Variants in INSL6 observed in about 807,000 individuals in gnomAD.
The protein encoded by INSL6 is insulin-like peptide INSL6.
Under a neutral mutation model 9.4 loss-of-function variants are expected in INSL6, and 16 were observed. The observed-to-expected ratio is 1.70, with a 90% CI of 1.15 to 2.59. The LOEUF (loss-of-function observed/expected upper bound fraction) is 2.59, where lower values mean the gene tolerates loss of function less well. Ranked by LOEUF, INSL6 falls within the 30% of genes most tolerant of loss-of-function variation. The pLI, the probability that INSL6 is intolerant of heterozygous loss-of-function variation, is 0.00. For missense variants in INSL6, 391 were observed against 257.3 expected, an observed-to-expected ratio of 1.52 and a Z score of -3.56; for synonymous variants, 154 against 96.9, an observed-to-expected ratio of 1.59 and a Z score of -3.46.
At chr9:5,141,569 T>C (rs973443983) in intron 2 of INSL6, among the ~76,000 whole-genome samples, 1 of 151,896 alleles carries the variant, frequency 6.6e-6, no homozygotes, top group Admixed American at 6.6e-5. Context: ...ATTTAATGGG[T>C]TTTTTCTTTT....
chr9:5,062,909 T>C, the INSL6 span, among the ~76,000 whole-genome samples: 1 of 152,168 alleles, frequency 6.6e-6, no homozygotes, highest in South Asian at 2.1e-4. Flanking sequence ...TAGTTTTCTT[T>C]TTTTATTTTT....
At position 5,164,279 on chromosome 9, in the gene INSL6, A is replaced by G. The variant is rs1824996615; in HGVS notation, c.290-14T>C. The G allele has an allele frequency of 2.0e-6, 3 of 1,516,790 alleles. No homozygotes were observed. In the South Asian group the frequency reaches 3.5e-5, roughly 18 times the overall value. 94.0% of individuals were successfully genotyped at this position (1,516,790 alleles called of 1,614,324 possible). ...AAGAAGTAGACACTGTTGAGAGAGA[A>G]GAAAATAAATGCTCCTTTATTAAAA... is the stretch of plus-strand genomic sequence containing the variant. On this transcript the variant is annotated splice_polypyrimidine_tract_variant and intron_variant, in intron 1 of 1. Transcript: ENST00000381641.
chr9:5,008,274 ATAAT>A, the INSL6 span, among the ~76,000 whole-genome samples: 1 of 152,206 alleles, frequency 6.6e-6, no homozygotes, highest in Non-Finnish European at 1.5e-5. Context: ...GATTTCATTA[ATAAT>A]TTGTTGAGAA....
chr9:4,997,666 C>T, the INSL6 span, among the ~76,000 whole-genome samples: 6 of 152,218 alleles, frequency 3.9e-5, no homozygotes, highest in South Asian at 1.0e-3. Context: ...CTGTACCCCT[C>T]AGCCTCATTT....
the INSL6 span, chr9:5,072,745 G>C: frequency 1.6e-6 from 1 of 642,040 alleles, no homozygotes; most frequent in Non-Finnish European, 2.3e-6. Flanking sequence ...ATGTGTCAAG[G>C]ACTTTTCTGA....
chr9:5,182,444 G>C (rs1825478086), intron 1 of INSL6, among the ~76,000 whole-genome samples: 2 of 152,032 alleles, frequency 1.3e-5, no homozygotes, highest in Non-Finnish European at 1.5e-5. Flanking sequence ...ATCACCTTCT[G>C]TAAATTATAA....
At chr9:5,012,950 T>C in the INSL6 span, among the ~76,000 whole-genome samples, 14 of 151,940 alleles carry the variant, frequency 9.2e-5, no homozygotes, top group African/African-American at 3.4e-4. Context: ...AGGAGAGAAA[T>C]AATAGCTGTT....
At chr9:5,037,109 C>T in the INSL6 span, among the ~76,000 whole-genome samples, 1 of 152,172 alleles carries the variant, frequency 6.6e-6, no homozygotes, top group African/African-American at 2.4e-5. Context: ...TGAAAAAATG[C>T]TCATCACCAC....
chr9:5,111,245 T>C, the INSL6 span: 1 of 542,280 alleles, frequency 1.8e-6, no homozygotes, highest in Non-Finnish European at 3.5e-6. Flanking sequence ...CCTCCTTTGG[T>C]AGAGACGCAG....
chr9:5,014,300 A>G, the INSL6 span, among the ~76,000 whole-genome samples: 1 of 151,420 alleles, frequency 6.6e-6, no homozygotes, highest in East Asian at 1.9e-4. Context: ...CACTGTACCC[A>G]GCCTCTTATT....
intron 2 of INSL6, among the ~76,000 whole-genome samples, chr9:5,157,104 A>C (rs1824830867): frequency 6.6e-6 from 1 of 152,192 alleles, no homozygotes; most frequent in Admixed American, 6.5e-5. Context: ...AATATTGCTG[A>C]AATTAAAGAA....
the INSL6 span, among the ~76,000 whole-genome samples, chr9:5,116,229 A>C: frequency 6.6e-6 from 1 of 152,206 alleles, no homozygotes; most frequent in Non-Finnish European, 1.5e-5. Flanking sequence ...CATGACTAGT[A>C]AATCACTGGA....
the INSL6 span, among the ~76,000 whole-genome samples, chr9:5,016,307 T>A: frequency 3.3e-5 from 5 of 152,116 alleles, no homozygotes; most frequent in Admixed American, 3.3e-4. Flanking sequence ...CCTGCTGTTA[T>A]AAGACCTGGT....
the INSL6 span, among the ~76,000 whole-genome samples, chr9:5,033,366 T>G: frequency 6.6e-6 from 1 of 152,138 alleles, no homozygotes. Context: ...CAGGCAAACA[T>G]TCAAATTCAG....
chr9:5,080,485 G>T, the INSL6 span: 3 of 1,542,650 alleles, frequency 1.9e-6, no homozygotes, highest in Admixed American at 2.0e-5. Context: ...AAGAAGGTTG[G>T]TGTGGCATTA....
the INSL6 span, among the ~76,000 whole-genome samples, chr9:4,998,016 A>C: frequency 6.6e-6 from 1 of 152,210 alleles, no homozygotes; most frequent in Admixed American, 6.5e-5. Flanking sequence ...CAGTATTTTA[A>C]AAATCATTAT....
chr9:5,088,409 CAAT>C, the INSL6 span, among the ~76,000 whole-genome samples: 4 of 152,074 alleles, frequency 2.6e-5, no homozygotes, highest in South Asian at 6.2e-4. Context: ...TGTAAGAATG[CAAT>C]AATATCCAAA....
At chr9:5,148,112 A>G (rs543190126) in intron 2 of INSL6, among the ~76,000 whole-genome samples, 7 of 152,080 alleles carry the variant, frequency 4.6e-5, no homozygotes, top group Admixed American at 1.3e-4. Context: ...AGGGGATACT[A>G]TTTTTTAATT....
At chr9:5,144,963 T>G (rs1055019442) in intron 2 of INSL6, among the ~76,000 whole-genome samples, 1 of 152,240 alleles carries the variant, frequency 6.6e-6, no homozygotes, top group Non-Finnish European at 1.5e-5. Flanking sequence ...CCCATTTATA[T>G]TTAAAGTTAG....
Sources: gnomAD v4.1 joint callset for allele counts (sites outside exome capture counted in the v4.1 genomes callset) on GRCh38, gnomAD v4.1.1 for gene constraint, MANE v1.5 for transcripts, NCBI Gene and HGNC (gene_info 2026-07-23, HGNC 2026-07-21) for gene names.